Variants in HPSE2 observed in about 807,000 individuals in gnomAD.
The protein encoded by HPSE2 is inactive heparanase-2.
Under a neutral mutation model 60.5 loss-of-function variants are expected in HPSE2, and 38 were observed. The observed-to-expected ratio is 0.63, with a 90% CI of 0.48 to 0.82. The LOEUF is 0.82. Ranked by LOEUF, HPSE2 falls within the 40% of genes least tolerant of loss-of-function variation. The pLI, the probability that HPSE2 is intolerant of heterozygous loss-of-function variation, is 0.00. For synonymous variants in HPSE2, 295 were observed against 293.2 expected, an observed-to-expected ratio of 1.01 and a Z score of -0.06; for missense variants, 713 against 740.4, an observed-to-expected ratio of 0.96 and a Z score of 0.43.
rs149938172 is a variant in HPSE2 at position 98,864,029 on chromosome 10, G to C, written c.611-119973C>G. ...TATAGCTGATGATTTGTGTGTAAAT[G>C]AATTAAAAAACGTCTTCTAATTCTG... On this transcript the variant is annotated intron_variant, in intron 3 of 11. Transcript: ENST00000370552. Among the ~76,000 whole-genome samples the C allele has an allele frequency of 2.0e-5, 3 of 152,122 alleles. No individual in the cohort carries two copies. In the East Asian group the frequency reaches 5.8e-4, roughly 29 times the overall value.
intron 3 of HPSE2, among the ~76,000 whole-genome samples, chr10:98,994,651 A>G (rs988532896): frequency 2.0e-5 from 3 of 152,194 alleles, no homozygotes; most frequent in African/African-American, 7.2e-5. Flanking sequence ...AACTCAGACC[A>G]AGAGTGAGGC....
intron 9 of HPSE2, among the ~76,000 whole-genome samples, chr10:98,567,948 A>G (rs1232420141): frequency 6.6e-6 from 1 of 152,200 alleles, no homozygotes; most frequent in East Asian, 1.9e-4. Flanking sequence ...CTCATGGGAT[A>G]AAAATCACAC....
chr10:98,737,847 C>T (rs1949397495), intron 4 of HPSE2, among the ~76,000 whole-genome samples: 1 of 152,128 alleles, frequency 6.6e-6, no homozygotes, highest in African/African-American at 2.4e-5. Flanking sequence ...AGTGGAAAAA[C>T]CTTCCATACT....
chr10:99,155,169 C>G (rs1172800705), intron 2 of HPSE2, among the ~76,000 whole-genome samples: 1 of 140,828 alleles, frequency 7.1e-6, no homozygotes, highest in Admixed American at 7.3e-5. Context: ...CTTTAACACC[C>G]CACTGTCAAC....
At chr10:98,598,106 C>T (rs189503837) in intron 9 of HPSE2, among the ~76,000 whole-genome samples, 207 of 142,534 alleles carry the variant, frequency 1.5e-3, no homozygotes, top group Non-Finnish European at 2.4e-3. Context: ...AACAACTTGT[C>T]TTATTGTGTT....
At chr10:98,981,444 C>T (rs1956203781) in intron 3 of HPSE2, among the ~76,000 whole-genome samples, 2 of 152,142 alleles carry the variant, frequency 1.3e-5, no homozygotes, top group African/African-American at 4.8e-5. Flanking sequence ...ACATCCTCAT[C>T]TAAAAAGGGA....
intron 2 of HPSE2, among the ~76,000 whole-genome samples, chr10:99,180,468 G>A (rs897638700): frequency 2.6e-5 from 4 of 152,094 alleles, no homozygotes; most frequent in African/African-American, 9.7e-5. Flanking sequence ...CTTCTCAAAA[G>A]AAGACATTTA....
At chr10:99,096,967 G>A (rs1843739671) in intron 3 of HPSE2, among the ~76,000 whole-genome samples, 1 of 152,164 alleles carries the variant, frequency 6.6e-6, no homozygotes, top group Non-Finnish European at 1.5e-5. Flanking sequence ...AGACAGGGTG[G>A]ACCACTAGGT....
intron 3 of HPSE2, among the ~76,000 whole-genome samples, chr10:98,923,878 T>C (rs1954364681): frequency 1.3e-5 from 2 of 152,166 alleles, no homozygotes; most frequent in Non-Finnish European, 2.9e-5. Context: ...ACGTCATATA[T>C]ATCTATCTCT....
At chr10:98,586,206 C>G (rs1162680073) in intron 9 of HPSE2, among the ~76,000 whole-genome samples, 1 of 152,142 alleles carries the variant, frequency 6.6e-6, no homozygotes, top group Non-Finnish European at 1.5e-5. Context: ...ATCTACCATG[C>G]ATATCTTAGT....
chr10:99,262,854 A>C, the HPSE2 span, among the ~76,000 whole-genome samples: 67 of 152,188 alleles, frequency 4.4e-4, no homozygotes, highest in Middle Eastern at 3.4e-3. Flanking sequence ...GACCCCATAA[A>C]TCCTAAATCC....
At chr10:99,161,039 A>T (rs961706372) in intron 2 of HPSE2, among the ~76,000 whole-genome samples, 2 of 151,900 alleles carry the variant, frequency 1.3e-5, no homozygotes, top group Non-Finnish European at 2.9e-5. Flanking sequence ...TGGGCAACAT[A>T]AGGAGTCCCC....
chr10:98,746,273 T>C (rs955588113), intron 3 of HPSE2, among the ~76,000 whole-genome samples: 7 of 152,140 alleles, frequency 4.6e-5, no homozygotes, highest in Non-Finnish European at 8.8e-5. Context: ...AGTAAAGTGA[T>C]CATGAAACCA....
chr10:98,946,019 T>C lies in HPSE2; in HGVS notation c.610+198219A>G, dbSNP rs539657992. ...AAATTTTTTTCAAGATTTGTGACAA[T>C]TTGAAAAAACAGACAAACTGTGTAG... is the stretch of plus-strand genomic sequence containing the variant. On this transcript the variant is annotated intron_variant, in intron 3 of 11. Coordinates refer to ENST00000370552, the MANE Select transcript of HPSE2 (RefSeq NM_021828.5). Among the ~76,000 whole-genome samples, 702 of 152,126 alleles carry C rather than the reference T, an allele frequency of 4.6e-3. 4 individuals carry two copies. The highest frequency in any genetic ancestry group is 6.9e-3 in the Non-Finnish European group (466 of 67,990).
intron 8 of HPSE2, among the ~76,000 whole-genome samples, chr10:98,617,422 A>T (rs930194129): frequency 6.6e-6 from 1 of 152,218 alleles, no homozygotes; most frequent in Non-Finnish European, 1.5e-5. Flanking sequence ...CTCAACAAAT[A>T]AATATCAATT....
intron 3 of HPSE2, among the ~76,000 whole-genome samples, chr10:99,118,662 C>G (rs1165871619): frequency 2.6e-5 from 4 of 152,104 alleles, no homozygotes; most frequent in Admixed American, 1.3e-4. Context: ...GCCTCTCTCA[C>G]CACTCCATTC....
At chr10:98,764,728 G>A (rs1328756326) in intron 3 of HPSE2, among the ~76,000 whole-genome samples, 2 of 151,982 alleles carry the variant, frequency 1.3e-5, no homozygotes, top group Admixed American at 1.3e-4. Context: ...GTGGTGGCAC[G>A]TGCCTGTAAT....
chr10:98,987,123 A>T (rs1956381761), intron 3 of HPSE2, among the ~76,000 whole-genome samples: 1 of 152,104 alleles, frequency 6.6e-6, no homozygotes, highest in South Asian at 2.1e-4. Context: ...AAAAGAGGGA[A>T]TCCTCCCTAA....
chr10:98,942,998 G>A (rs1190875351), intron 3 of HPSE2, among the ~76,000 whole-genome samples: 1 of 148,234 alleles, frequency 6.7e-6, no homozygotes, highest in Non-Finnish European at 1.5e-5. Context: ...ACCAAACGCT[G>A]CATGTTCTCA....
Sources: gnomAD v4.1 joint callset for allele counts (sites outside exome capture counted in the v4.1 genomes callset) on GRCh38, gnomAD v4.1.1 for gene constraint, MANE v1.5 for transcripts, NCBI Gene and HGNC (gene_info 2026-07-23, HGNC 2026-07-21) for gene names.